SAR1B: variants seen among roughly 807,000 people sequenced by gnomAD.
The protein encoded by SAR1B is small COPII coat GTPase SAR1B.
Under a neutral mutation model 26.8 loss-of-function variants are expected in SAR1B, and 23 were observed. The ratio of observed to expected loss-of-function variants is 0.86; its 90% CI spans 0.62 to 1.22. The LOEUF is 1.22. SAR1B is among the 50% of genes most tolerant of loss of function. The probability of loss-of-function intolerance (pLI) is 0.00; values close to 1 mark genes in which losing one functional copy is unlikely to be tolerated. For synonymous variants in SAR1B, 65 were observed against 80.8 expected, an observed-to-expected ratio of 0.80 and a Z score of 1.05; for missense variants, 196 against 232.8, an observed-to-expected ratio of 0.84 and a Z score of 1.03.
chr5:134,624,265 C>A lies in SAR1B; in HGVS notation c.-18-228G>T, dbSNP rs149161910. Reference sequence around the variant, plus strand: ...CTCTACTAAAAATACAGAAATTAACCGGGTGTGGTCATGGGCCCCTGTAAT... The same window carrying A: ...CTCTACTAAAAATACAGAAATTAACAGGGTGTGGTCATGGGCCCCTGTAAT... On this transcript the variant is annotated intron_variant, in intron 1 of 6. Coordinates refer to ENST00000402673, the MANE Select transcript of SAR1B (RefSeq NM_016103.4). 1.0e-3 allele frequency among the ~76,000 whole-genome samples: 154 copies of A among 152,106 alleles called. 4 individuals carry two copies. The highest frequency in any genetic ancestry group is 1.2e-3 in the Admixed American group (18 of 15,250).
At chr5:134,607,874 C>G (rs903812447) in intron 6 of SAR1B, among the ~76,000 whole-genome samples, 5 of 151,924 alleles carry the variant, frequency 3.3e-5, no homozygotes, top group Admixed American at 2.0e-4. Context: ...TGGGGTTCTT[C>G]CACTGTTTAT....
chr5:134,615,425 G>C (rs568703708), intron 3 of SAR1B, among the ~76,000 whole-genome samples: 6 of 152,000 alleles, frequency 3.9e-5, no homozygotes, highest in African/African-American at 1.4e-4. Flanking sequence ...TGAGGCAGGA[G>C]AATCACTTGA....
intron 3 of SAR1B, among the ~76,000 whole-genome samples, chr5:134,619,103 G>A (rs929869084): frequency 6.6e-6 from 1 of 151,898 alleles, no homozygotes; most frequent in African/African-American, 2.4e-5. Flanking sequence ...ACTGAGGTGG[G>A]CGGATCATCT....
intron 3 of SAR1B, among the ~76,000 whole-genome samples, chr5:134,615,519 TAAGAAG>T (rs201226872): frequency 7.1e-6 from 1 of 141,312 alleles, no homozygotes; most frequent in African/African-American, 2.6e-5. Flanking sequence ...TGTCTGAAAA[TAAGAAG>T]AAATTCTGGG....
intron 4 of SAR1B, among the ~76,000 whole-genome samples, chr5:134,609,902 C>A (rs953969546): frequency 6.0e-5 from 9 of 151,224 alleles, no homozygotes; most frequent in Admixed American, 1.3e-4. Flanking sequence ...TTAGTCTCTT[C>A]CAATTATCAT....
At chr5:134,625,702 A>G (rs1383206297) in intron 1 of SAR1B, 1 of 152,170 alleles carries the variant, frequency 6.6e-6, no homozygotes, top group East Asian at 1.9e-4. Flanking sequence ...TGGACGATAA[A>G]GAAAAATGGA....
intron 4 of SAR1B, among the ~76,000 whole-genome samples, chr5:134,612,078 T>A (rs926171845): frequency 6.6e-6 from 1 of 152,180 alleles, no homozygotes; most frequent in African/African-American, 2.4e-5. Flanking sequence ...GTTAATGAGT[T>A]TGGCCTTTAT....
chr5:134,625,652 A>AG (rs1221281301), intron 1 of SAR1B: 10 of 152,304 alleles, frequency 6.6e-5, no homozygotes, highest in Admixed American at 3.3e-4. Context: ...AGAGAAGTTC[A>AG]GGGTTGGGTG....
chr5:134,624,153 G>A (rs1311383837), intron 1 of SAR1B, 116 bp from the exon 2 acceptor site: 6 of 711,560 alleles, frequency 8.4e-6, no homozygotes, highest in East Asian at 8.1e-5. Context: ...TTACTACAAA[G>A]AGTTACACAC....
rs1175873618 is a variant in SAR1B at position 134,607,045 on chromosome 5, G to A, written c.502C>T (p.Leu168=). 6.2e-6 allele frequency: 10 copies of A among 1,613,072 alleles called. No homozygotes were observed. Among genetic ancestry groups the A allele is most frequent in the Middle Eastern group, 1.6e-4 (1 of 6,080 alleles). ...TGKGSISLKE[L]NARPLEVFMC... The stretch of plus-strand genomic sequence containing the variant: ...AAAACTTCTAAGGGTCGGGCATTCA[G>A]TTCTTTCAGAGATATACTCCCCTAG... The change falls in exon 7 of 7, where the codon CTG becomes TTG. Residue 168 remains leucine, a synonymous_variant. Coordinates refer to ENST00000402673, the MANE Select transcript of SAR1B (RefSeq NM_016103.4).
chr5:134,630,587 A>T (rs1336172265), intron 1 of SAR1B, among the ~76,000 whole-genome samples: 1 of 151,562 alleles, frequency 6.6e-6, no homozygotes, highest in Non-Finnish European at 1.5e-5. Flanking sequence ...GTTCAAGACC[A>T]GCCTGGCCAA....
At position 134,604,973 on chromosome 5, in the gene SAR1B, C is replaced by T. The variant is rs372211629; in HGVS notation, c.*1977G>A. 32 of 152,276 alleles carry T rather than the reference C, an allele frequency of 2.1e-4. No homozygotes were observed. The East Asian group carries it at 5.4e-3, about 26-fold the overall frequency. 9.4% of individuals were successfully genotyped at this position (152,276 alleles called of 1,614,324 possible). ...AGAAGAAATCAATAGGCTGCAATGT[C>T]ATGTTCTACTTTTCCCATAGTGTTA... On this transcript the variant is annotated 3_prime_UTR_variant, in exon 7 of 7. Coordinates refer to ENST00000402673, the MANE Select transcript of SAR1B (RefSeq NM_016103.4).
intron 3 of SAR1B, among the ~76,000 whole-genome samples, chr5:134,619,985 CAAATA>C (rs1765378483): frequency 6.6e-6 from 1 of 151,902 alleles, no homozygotes; most frequent in Non-Finnish European, 1.5e-5. Context: ...TGTCTCTACA[CAAATA>C]AAATAAAGTA....
At chr5:134,616,456 AAG>A (rs1765319279) in intron 3 of SAR1B, among the ~76,000 whole-genome samples, 1 of 152,030 alleles carries the variant, frequency 6.6e-6, no homozygotes, top group South Asian at 2.1e-4. Context: ...AAAAAAAAGA[AAG>A]AAAGAAATTC....
chr5:134,622,772 T>C (rs1220926374), intron 2 of SAR1B, among the ~76,000 whole-genome samples: 1 of 151,564 alleles, frequency 6.6e-6, no homozygotes, highest in East Asian at 1.9e-4. Flanking sequence ...CACTATTATA[T>C]AAATAAAATT....
In SAR1B at chr5:134,608,357, T is replaced by A. The variant is rs766695628; in HGVS notation, c.480+15A>T. The A allele has an allele frequency of 1.5e-5, 22 of 1,516,394 alleles. No homozygotes were observed. In the South Asian group the frequency reaches 2.7e-4, roughly 18 times the overall value. 93.9% of individuals were successfully genotyped at this position (1,516,394 alleles called of 1,614,324 possible). ...GAATTAAACACACCCATCATAATTTTTTTTTTTTTTTTACCTTTCCTGTTG... is the reference window on the plus strand; with the variant it reads ...GAATTAAACACACCCATCATAATTTATTTTTTTTTTTTACCTTTCCTGTTG... On this transcript the variant is annotated intron_variant, in intron 6 of 6. Transcript: ENST00000402673.
intron 3 of SAR1B, among the ~76,000 whole-genome samples, chr5:134,616,995 G>T (rs1375032357): frequency 6.6e-6 from 1 of 152,138 alleles, no homozygotes; most frequent in Non-Finnish European, 1.5e-5. Context: ...ACTTTGGGAG[G>T]CTGGATGGGA....
chr5:134,622,728 T>C (rs1426249975), intron 2 of SAR1B, among the ~76,000 whole-genome samples: 1 of 151,498 alleles, frequency 6.6e-6, no homozygotes, highest in African/African-American at 2.4e-5. Flanking sequence ...TCTTAACTAT[T>C]GCTTCATATA....
Position 134,612,676 on chromosome 5 carries a change from A to AAAAAAAAAAAAAT in SAR1B, c.244+14_244+15insATTTTTTTTTTTT. The AAAAAAAAAAAAAT allele has an allele frequency of 1.8e-6, 2 of 1,088,986 alleles. No individual in the cohort carries two copies. The highest frequency in any genetic ancestry group is 2.5e-6 in the Non-Finnish European group (2 of 789,128). The allele number at this position is 1,088,986 out of a possible 1,614,324, so 67.5% of individuals were successfully genotyped here. A position where few individuals can be genotyped will look rare whatever the true frequency, so the allele number is the denominator to read the frequency against. ...AAAAAAAAAAAAAAAAAAAAAAAAA[A>AAAAAAAAAAAAAT]AAAAAGAATCTTACCTTGAACATGT... is the stretch of plus-strand genomic sequence containing the variant. On this transcript the variant is annotated intron_variant, in intron 4 of 6. Coordinates refer to ENST00000402673, the MANE Select transcript of SAR1B (RefSeq NM_016103.4).
Sources: allele counts gnomAD v4.1 joint callset (sites outside exome capture counted in the v4.1 genomes callset), GRCh38; gene constraint gnomAD v4.1.1; transcripts MANE v1.5; gene names NCBI Gene and HGNC (gene_info 2026-07-23, HGNC 2026-07-21).